Variants in ZNF423 observed in about 807,000 individuals in gnomAD.
ZNF423 encodes zinc finger protein 423.
In ZNF423, 12 loss-of-function variants were observed where a neutral mutation model predicts 95.8. That is an observed-to-expected ratio of 0.13 (90% CI 0.08 to 0.20). The LOEUF is 0.20. Ranked by LOEUF, ZNF423 falls within the 10% of genes least tolerant of loss-of-function variation. The pLI, the probability that ZNF423 is intolerant of heterozygous loss-of-function variation, is 1.00. For missense variants in ZNF423, 1,316 were observed against 1,737.1 expected (o/e 0.76, Z 4.31); for synonymous variants, 749 against 711.9 (o/e 1.05, Z -0.83).
At chr16:49,737,889 G>C (rs8046825) in intron 2 of ZNF423, among the ~76,000 whole-genome samples, 57,148 of 152,018 alleles carry the variant, frequency 0.38, 11,387 homozygotes, top group African/African-American at 0.52. Context: ...CTCGTGTCCC[G>C]GGAGTCAGCT....
At chr16:49,542,693 C>T (rs1969296161) in intron 5 of ZNF423, among the ~76,000 whole-genome samples, 1 of 152,198 alleles carries the variant, frequency 6.6e-6, no homozygotes, top group Non-Finnish European at 1.5e-5. Flanking sequence ...CTTTGTCTGG[C>T]TGGGTGCAGG....
At chr16:49,674,706 G>A (rs527934396) in intron 3 of ZNF423, among the ~76,000 whole-genome samples, 31 of 152,316 alleles carry the variant, frequency 2.0e-4, no homozygotes, top group East Asian at 1.7e-3. Flanking sequence ...GCAGAGGGGC[G>A]GAACGGGGCT....
chr16:49,650,426 T>A (rs1973356012), intron 3 of ZNF423, among the ~76,000 whole-genome samples: 1 of 152,244 alleles, frequency 6.6e-6, no homozygotes, highest in African/African-American at 2.4e-5. Flanking sequence ...GAACATTGGC[T>A]AAATAAGATA....
At chr16:49,734,277 C>G (rs957270383) in intron 2 of ZNF423, among the ~76,000 whole-genome samples, 1 of 152,242 alleles carries the variant, frequency 6.6e-6, no homozygotes, top group African/African-American at 2.4e-5. Context: ...GCCCCAGAGG[C>G]CCCTCAACTG....
intron 5 of ZNF423, among the ~76,000 whole-genome samples, chr16:49,545,718 T>C (rs993656905): frequency 6.6e-6 from 1 of 152,146 alleles, no homozygotes; most frequent in Non-Finnish European, 1.5e-5. Flanking sequence ...CACAGTTCTG[T>C]CTCCCAAGCA....
In ZNF423 at chr16:49,492,879, T is replaced by C. The variant is rs1047158479; in HGVS notation, c.3850-1575A>G. On this transcript the variant is annotated intron_variant, in intron 7 of 7. Transcript: ENST00000563137. This position sits in a 1 kb window ranked among gnomAD's most constrained non-coding sequence, Gnocchi z 4.2. Reference sequence around the variant, plus strand: ...TGGAAGCACCGGGCACTGAACCAGATGGCTGGAATCCACTAGAGCAAGGGG... The same window carrying C: ...TGGAAGCACCGGGCACTGAACCAGACGGCTGGAATCCACTAGAGCAAGGGG... Among the ~76,000 whole-genome samples the C allele has an allele frequency of 6.6e-6, 1 of 152,100 alleles. No homozygotes were observed. The highest frequency in any genetic ancestry group is 2.4e-5 in the African/African-American group (1 of 41,438).
chr16:49,590,051 T>TATATATATATATATATA (rs879296139), intron 5 of ZNF423, among the ~76,000 whole-genome samples: 24 of 134,046 alleles, frequency 1.8e-4, no homozygotes, highest in South Asian at 2.9e-4. Flanking sequence ...TATATATATA[T>TATATATATATATATATA]TTGGTCCATA....
chr16:49,632,826 G>T (rs951808263), intron 4 of ZNF423, among the ~76,000 whole-genome samples: 1 of 152,214 alleles, frequency 6.6e-6, no homozygotes, highest in African/African-American at 2.4e-5. Context: ...CTCCAGGGAG[G>T]CTCACACAGC....
At chr16:49,687,947 G>C (rs2031628795) in intron 3 of ZNF423, among the ~76,000 whole-genome samples, 1 of 152,066 alleles carries the variant, frequency 6.6e-6, no homozygotes, top group African/African-American at 2.4e-5. Flanking sequence ...CATCTTGGAA[G>C]GTCCTGGTGG....
At chr16:49,693,818 C>A (rs1402490153) in intron 3 of ZNF423, among the ~76,000 whole-genome samples, 1 of 152,196 alleles carries the variant, frequency 6.6e-6, no homozygotes, top group Non-Finnish European at 1.5e-5. Flanking sequence ...AAAGCAGAGA[C>A]AAGAACACTA....
At chr16:49,550,853 A>G (rs951799281) in intron 5 of ZNF423, among the ~76,000 whole-genome samples, 1 of 152,266 alleles carries the variant, frequency 6.6e-6, no homozygotes, top group Non-Finnish European at 1.5e-5. Context: ...GGCAGAGCCC[A>G]TGTGGTCACA....
chr16:49,615,130 T>TCTCACACA (rs373291400), intron 5 of ZNF423, among the ~76,000 whole-genome samples: 1 of 141,154 alleles, frequency 7.1e-6, no homozygotes, highest in East Asian at 2.1e-4. Context: ...AAACTCCATC[T>TCTCACACA]CACACACACA....
At chr16:49,538,281 G>C (rs972575809) in intron 5 of ZNF423, among the ~76,000 whole-genome samples, 1 of 152,222 alleles carries the variant, frequency 6.6e-6, no homozygotes, top group Admixed American at 6.5e-5. Context: ...GATGAGATGT[G>C]AGCAGTGCCA....
chr16:49,516,201 G>A (rs1968136719), intron 7 of ZNF423, among the ~76,000 whole-genome samples: 1 of 152,162 alleles, frequency 6.6e-6, no homozygotes, highest in Non-Finnish European at 1.5e-5. Flanking sequence ...TGGGCACCTG[G>A]CTCCTCCCAA....
rs374808247 is a variant in ZNF423, at chr16:49,491,233, C to T, written c.*42G>A. The T allele has an allele frequency of 6.6e-5, 106 of 1,613,758 alleles. No individual in the cohort carries two copies. Among genetic ancestry groups the T allele is most frequent in the South Asian group, 9.9e-5 (9 of 91,086 alleles). On this transcript the variant is annotated 3_prime_UTR_variant, in exon 8 of 8. Coordinates refer to ENST00000563137, the MANE Select transcript of ZNF423 (RefSeq NM_001379286.1). ...TCAAATGGCCCTCCCCACGGCGTCT[C>T]CGGCAAGCCTTCTGCGGAGAGGTGT...
chr16:49,800,762 G>T (rs1311978609), intron 1 of ZNF423, among the ~76,000 whole-genome samples: 2 of 152,144 alleles, frequency 1.3e-5, no homozygotes, highest in Non-Finnish European at 1.5e-5. Flanking sequence ...CACTTTTCTG[G>T]TGAGGAAACA....
intron 1 of ZNF423, among the ~76,000 whole-genome samples, chr16:49,827,496 A>G (rs2035017466): frequency 6.6e-6 from 1 of 151,416 alleles, no homozygotes. Context: ...GATTGGATGG[A>G]AGAATGAATG....
At position 49,730,945 on chromosome 16, in the gene ZNF423, C is replaced by G. The variant is rs200725224; in HGVS notation, c.127G>C (p.Asp43His). ...TCCAGCGCACGGCTGGTTTTCTGAT[C>G]GCACTCTGGCTCTCCTTCTAGGCCT... The part of the protein sequence containing the change: ...AGGLEGEPEC[D>H]QKTSRALEDR... Residue 43 changes from aspartate (D) to histidine (H), a missense_variant, in exon 3 of 8, where the codon GAT (aspartate) becomes CAT (histidine). Transcript: ENST00000563137. 1.9e-6 allele frequency: 3 copies of G among 1,614,104 alleles called. No homozygotes were observed. Among genetic ancestry groups the G allele is most frequent in the Non-Finnish European group, 2.5e-6 (3 of 1,180,046 alleles).
At chr16:49,732,883 G>C (rs536392934) in intron 2 of ZNF423, among the ~76,000 whole-genome samples, 1 of 152,174 alleles carries the variant, frequency 6.6e-6, no homozygotes, top group African/African-American at 2.4e-5. Context: ...ACGACACGCC[G>C]CCTGGAACTG....
Sources: gnomAD v4.1 joint callset for allele counts (sites outside exome capture counted in the v4.1 genomes callset) on GRCh38, gnomAD v4.1.1 for gene constraint, Gnocchi (gnomAD v3.1) non-coding constraint, MANE v1.5 for transcripts, NCBI Gene and HGNC (gene_info 2026-07-23, HGNC 2026-07-21) for gene names.